The following ANXA3 variants were observed in gnomAD, a reference collection of about 807,000 sequenced individuals.
ANXA3 encodes the protein 35-alpha calcimedin.
ANXA3 carries 46 observed loss-of-function variants against 48.8 expected under a neutral mutation model. The observed-to-expected ratio is 0.94, with a 90% CI of 0.74 to 1.21. The LOEUF is 1.21. ANXA3 is among the 50% of genes most tolerant of loss of function. The probability of loss-of-function intolerance (pLI) is 0.00; values close to 1 mark genes in which losing one functional copy is unlikely to be tolerated. For synonymous variants in ANXA3, 128 were observed against 134.7 expected (o/e 0.95, Z 0.35); for missense variants, 383 against 378.6 (o/e 1.01, Z -0.10).
At position 78,582,255 on chromosome 4, in the gene ANXA3, G is replaced by A. The variant is rs780865145; in HGVS notation, c.277G>A (p.Val93Ile). The A allele has an allele frequency of 6.2e-7, 1 of 1,613,562 alleles. No homozygotes were observed. Among genetic ancestry groups the A allele is most frequent in the South Asian group, 1.1e-5 (1 of 91,062 alleles). ...LMVALVTPPA[V>I]FDAKQLKKSM... ...GGTGGCCCTAGTGACTCCACCAGCA[G>A]TCTTTGATGCAAAGCAGCTAAAGAA... The change falls in exon 5 of 13, where the codon GTC (valine) becomes ATC (isoleucine). Residue 93 changes from valine to isoleucine, a missense_variant. Val to Ile is a conservative substitution (Grantham distance 29). Transcript: ENST00000264908.
intron 12 of ANXA3, among the ~76,000 whole-genome samples, chr4:78,605,205 A>G (rs1723622325): frequency 6.6e-6 from 1 of 152,182 alleles, no homozygotes; most frequent in Non-Finnish European, 1.5e-5. Context: ...AGGTGCGATC[A>G]TAATACATTG....
rs1723334676 is a variant in ANXA3, at chr4:78,593,113, C to CACACA, written c.483+1490_483+1491insACACA. On this transcript the variant is annotated intron_variant, in intron 7 of 12. Coordinates refer to ENST00000264908, the MANE Select transcript of ANXA3 (RefSeq NM_005139.3). ...AAGTATTTGTACATGAACACACATA[C>CACACA]CACACACACACACACACACACACAC... 1.8e-3 allele frequency among the ~76,000 whole-genome samples: 253 copies of CACACA among 144,028 alleles called. 2 individuals carry two copies. The highest frequency in any genetic ancestry group is 5.7e-3 in the East Asian group (28 of 4,944). 94.5% of individuals were successfully genotyped at this position (144,028 alleles called of 152,430 possible). A position where few individuals can be genotyped will look rare whatever the true frequency, so the allele number is the denominator to read the frequency against.
At chr4:78,587,712 C>T (rs12508999) in intron 6 of ANXA3, among the ~76,000 whole-genome samples, 4,283 of 152,272 alleles carry the variant, frequency 0.028, 150 homozygotes, top group Admixed American at 0.096. Context: ...TGTCAGGTGA[C>T]TGTTTTGTTA....
At position 78,593,803 on chromosome 4, in the gene ANXA3, A is replaced by ATTT. The variant is rs60515646; in HGVS notation, c.484-1554_484-1552dup. Among the ~76,000 whole-genome samples, 22 of 88,736 alleles carry ATTT rather than the reference A, an allele frequency of 2.5e-4. 1 individual carries two copies. The highest frequency in any genetic ancestry group is 7.8e-4 in the African/African-American group (21 of 27,028). The allele number at this position is 88,736 out of a possible 152,430, so 58.2% of individuals were successfully genotyped here. A position where few individuals can be genotyped will look rare whatever the true frequency, so the allele number is the denominator to read the frequency against. Reference sequence around the variant, plus strand: ...AGGTGTACACCACCACATTCAGCTAATTTTTTTTTTTTTTTTTTTTTTTTT... The same window carrying ATTT: ...AGGTGTACACCACCACATTCAGCTAATTTTTTTTTTTTTTTTTTTTTTTTTTTT... On this transcript the variant is annotated intron_variant, in intron 7 of 12. Coordinates refer to ENST00000264908, the MANE Select transcript of ANXA3 (RefSeq NM_005139.3).
chr4:78,575,487 G>T (rs1722930073), intron 3 of ANXA3, among the ~76,000 whole-genome samples: 1 of 152,042 alleles, frequency 6.6e-6, no homozygotes, highest in African/African-American at 2.4e-5. Context: ...AGATCTGATG[G>T]CTTTATAAGG....
At chr4:78,584,222 A>G (rs999525591) in intron 5 of ANXA3, among the ~76,000 whole-genome samples, 4 of 152,212 alleles carry the variant, frequency 2.6e-5, no homozygotes, top group Non-Finnish European at 4.4e-5. Context: ...TTCATTGCCC[A>G]GGCTCTAGTA....
At chr4:78,561,248 C>A (rs1182451422) in intron 2 of ANXA3, among the ~76,000 whole-genome samples, 2 of 152,120 alleles carry the variant, frequency 1.3e-5, no homozygotes, top group African/African-American at 2.4e-5. Flanking sequence ...CCCCTTCCCT[C>A]CCGAACACTT....
chr4:78,607,274 A>G (rs2109828439), intron 12 of ANXA3, among the ~76,000 whole-genome samples: 1 of 152,318 alleles, frequency 6.6e-6, no homozygotes, highest in East Asian at 1.9e-4. Flanking sequence ...ATCTCATTAC[A>G]TTTTTGCTAT....
chr4:78,603,600 T>G (rs1195815206), intron 11 of ANXA3: 4 of 152,256 alleles, frequency 2.6e-5, no homozygotes, highest in African/African-American at 9.6e-5. Flanking sequence ...CTGTTTCTCA[T>G]GCTGCAGTCA....
intron 2 of ANXA3, among the ~76,000 whole-genome samples, chr4:78,567,317 A>C (rs969572061): frequency 2.6e-5 from 4 of 152,214 alleles, no homozygotes; most frequent in African/African-American, 9.6e-5. Context: ...AGGTGTGGTC[A>C]GGGCCGTCCT....
At chr4:78,577,927 G>C (rs775345612) in intron 3 of ANXA3, among the ~76,000 whole-genome samples, 2 of 152,066 alleles carry the variant, frequency 1.3e-5, no homozygotes, top group Non-Finnish European at 2.9e-5. Context: ...GCCAGCATCA[G>C]CTCTGGCCTG....
intron 11 of ANXA3, chr4:78,601,774 G>T (rs964371722): frequency 9.4e-6 from 4 of 426,916 alleles, no homozygotes; most frequent in African/African-American, 4.0e-5. Flanking sequence ...ACAGACCTGG[G>T]TTTATGAAAT....
At chr4:78,593,146 CACACA>C (rs1560449046) in intron 7 of ANXA3, among the ~76,000 whole-genome samples, 192 of 151,456 alleles carry the variant, frequency 1.3e-3, no homozygotes, top group African/African-American at 4.4e-3. Context: ...CACACACACA[CACACA>C]CCACTTAAAC....
intron 10 of ANXA3, among the ~76,000 whole-genome samples, chr4:78,597,897 A>G (rs1723454464): frequency 6.6e-6 from 1 of 152,188 alleles, no homozygotes; most frequent in Non-Finnish European, 1.5e-5. Context: ...TACAGGTGTG[A>G]GCTACCACAT....
intron 2 of ANXA3, among the ~76,000 whole-genome samples, chr4:78,572,622 G>A (rs1191305507): frequency 3.3e-5 from 5 of 152,154 alleles, no homozygotes; most frequent in Non-Finnish European, 5.9e-5. Flanking sequence ...GGCCACCAAA[G>A]GAGTTGCTGG....
intron 2 of ANXA3, among the ~76,000 whole-genome samples, chr4:78,570,641 C>T (rs191393566): frequency 3.9e-5 from 6 of 152,342 alleles, no homozygotes; most frequent in Non-Finnish European, 4.4e-5. Context: ...TAAATTCAGC[C>T]TCTGCCTGCA....
At chr4:78,567,982 C>G (rs1306255106) in intron 2 of ANXA3, among the ~76,000 whole-genome samples, 1 of 152,234 alleles carries the variant, frequency 6.6e-6, no homozygotes, top group African/African-American at 2.4e-5. Context: ...ACCATCACAT[C>G]ACATTCTTTC....
chr4:78,591,952 T>C (rs1723306639), intron 7 of ANXA3, among the ~76,000 whole-genome samples: 1 of 152,246 alleles, frequency 6.6e-6, no homozygotes, highest in African/African-American at 2.4e-5. Context: ...TGTCTCCATT[T>C]TAAAGAACAG....
rs1723541596 is a variant in ANXA3, at chr4:78,601,533, G to A, written c.754G>A (p.Ala252Thr). 2 of 1,613,826 alleles carry A rather than the reference G, an allele frequency of 1.2e-6. No homozygotes were observed. Among genetic ancestry groups the A allele is most frequent in the African/African-American group, 1.3e-5 (1 of 74,916 alleles). ...AIVNCVRNTP[A>T]FLAERLHRAL... ...AGTTAATTGTGTGAGGAACACGCCG[G>A]CCTTTTTAGCCGAAAGACTGCATCG... Residue 252 changes from alanine to threonine, a missense_variant, in exon 11 of 13, where the codon GCC becomes ACC. Coordinates refer to ENST00000264908, the MANE Select transcript of ANXA3 (RefSeq NM_005139.3).
Sources: allele counts gnomAD v4.1 joint callset (sites outside exome capture counted in the v4.1 genomes callset), GRCh38; gene constraint gnomAD v4.1.1; transcripts MANE v1.5; gene names NCBI Gene and HGNC (gene_info 2026-07-23, HGNC 2026-07-21).